The following CCDC171 variants were observed in gnomAD, a reference collection of about 807,000 sequenced individuals.
CCDC171 encodes coiled-coil domain-containing protein 171.
In CCDC171, 177 loss-of-function variants were observed where a neutral mutation model predicts 168.2. The observed-to-expected ratio is 1.05, with a 90% CI of 0.93 to 1.19. The LOEUF (loss-of-function observed/expected upper bound fraction) is 1.19. CCDC171 is among the 50% of genes most tolerant of loss of function. The pLI is 0.00. For synonymous variants in CCDC171, 687 were observed against 540.8 expected, an observed-to-expected ratio of 1.27 and a Z score of -3.75; for missense variants, 1,991 against 1,539.0, an observed-to-expected ratio of 1.29 and a Z score of -4.91.
rs181551888 is a variant in CCDC171, at chr9:15,650,412, A to T, written c.823-6715A>T. ...TTAAAGTATAATAAAAAAAAGAAAA[A>T]AAATAAATTATAGCCATGTAGTGGG... On this transcript the variant is annotated intron_variant, in intron 7 of 25. Transcript: ENST00000380701. Among the ~76,000 whole-genome samples, 126 of 152,246 alleles carry T rather than the reference A, an allele frequency of 8.3e-4. 1 individual carries two copies. Among genetic ancestry groups the T allele is most frequent in the Non-Finnish European group, 1.3e-3 (88 of 68,008 alleles).
At chr9:15,558,419 T>G (rs1050695233) in intron 1 of CCDC171, among the ~76,000 whole-genome samples, 4 of 152,182 alleles carry the variant, frequency 2.6e-5, no homozygotes, top group African/African-American at 7.2e-5. Context: ...GAACCTGTTA[T>G]TGGTCTTTTC....
chr9:15,754,076 G>T (rs1432734657), intron 18 of CCDC171, among the ~76,000 whole-genome samples: 1 of 152,088 alleles, frequency 6.6e-6, no homozygotes, highest in African/African-American at 2.4e-5. Context: ...GAAAGGATGG[G>T]AACATATTTT....
chr9:15,900,936 G>A (rs896772341), intron 24 of CCDC171, among the ~76,000 whole-genome samples: 1 of 152,180 alleles, frequency 6.6e-6, no homozygotes, highest in Non-Finnish European at 1.5e-5. Flanking sequence ...TACATCTACA[G>A]TTAGTCACCT....
rs2059617187 is a variant in CCDC171, at chr9:15,817,817, G to T, written c.3268-28885G>T. ...AGCAATAACCTCTGCAGACTTAAAT[G>T]TCCCTGTCTGACAGCTTTGAAGAGA... On this transcript the variant is annotated intron_variant, in intron 21 of 25. Transcript: ENST00000380701. Among the ~76,000 whole-genome samples, 2 of 118,282 alleles carry T rather than the reference G, an allele frequency of 1.7e-5. 1 individual carries two copies. The allele number at this position is 118,282 out of a possible 152,430, so 77.6% of individuals were successfully genotyped here. A position where few individuals can be genotyped will look rare whatever the true frequency, so the allele number is the denominator to read the frequency against.
rs565156010 is a variant in CCDC171, at chr9:15,691,603, G to C, written c.1216-3632G>C. 3.9e-4 allele frequency among the ~76,000 whole-genome samples: 53 copies of C among 136,990 alleles called. 1 individual carries two copies. The highest frequency in any genetic ancestry group is 8.0e-4 in the Non-Finnish European group (52 of 65,056). 89.9% of individuals were successfully genotyped at this position (136,990 alleles called of 152,430 possible). Reference sequence around the variant, plus strand: ...ATAAACTTGGTGCTTTATAAATACTGTGTTTTTTAAGGTAGACTTTGATTG... The same window carrying C: ...ATAAACTTGGTGCTTTATAAATACTCTGTTTTTTAAGGTAGACTTTGATTG... On this transcript the variant is annotated intron_variant, in intron 10 of 25. Coordinates refer to ENST00000380701, the MANE Select transcript of CCDC171 (RefSeq NM_173550.4).
chr9:15,934,713 A>G (rs1826915989), intron 25 of CCDC171, among the ~76,000 whole-genome samples: 1 of 152,084 alleles, frequency 6.6e-6, no homozygotes, highest in Admixed American at 6.6e-5. Flanking sequence ...ACAAATGTCT[A>G]TAGCAGCACT....
At chr9:15,713,507 C>T (rs1234421005) in intron 11 of CCDC171, among the ~76,000 whole-genome samples, 1 of 152,030 alleles carries the variant, frequency 6.6e-6, no homozygotes, top group Non-Finnish European at 1.5e-5. Flanking sequence ...CTTGTGTATG[C>T]CAAAATTTAT....
At chr9:16,105,656 G>T in the CCDC171 span, among the ~76,000 whole-genome samples, 1 of 152,168 alleles carries the variant, frequency 6.6e-6, no homozygotes, top group Non-Finnish European at 1.5e-5. Context: ...ATTCTGTAAA[G>T]GAAAAGCAAT....
intron 25 of CCDC171, 69 bp downstream of exon 25, chr9:15,920,491 A>T: frequency 8.7e-7 from 1 of 1,142,954 alleles, no homozygotes; most frequent in Non-Finnish European, 1.2e-6. Context: ...TTATGTTTTT[A>T]ATGTTCATAA....
chr9:15,690,297 T>A (rs1361219900), intron 10 of CCDC171, among the ~76,000 whole-genome samples: 1 of 152,112 alleles, frequency 6.6e-6, no homozygotes, highest in Non-Finnish European at 1.5e-5. Flanking sequence ...TTAAAAAAAA[T>A]ATAAAGTTAC....
chr9:15,909,920 C>G (rs557151932), intron 24 of CCDC171, among the ~76,000 whole-genome samples: 1 of 151,954 alleles, frequency 6.6e-6, no homozygotes, highest in African/African-American at 2.4e-5. Context: ...TTTAGTATAT[C>G]CATTATGTGA....
chr9:16,077,044 C>T, the CCDC171 span, among the ~76,000 whole-genome samples: 2 of 152,172 alleles, frequency 1.3e-5, no homozygotes, highest in Admixed American at 6.5e-5. Flanking sequence ...ATGCAACAGG[C>T]AGGCAACCGA....
chr9:15,703,702 C>G (rs766634576), intron 11 of CCDC171, among the ~76,000 whole-genome samples: 2 of 152,210 alleles, frequency 1.3e-5, no homozygotes, highest in Non-Finnish European at 2.9e-5. Flanking sequence ...GTGAATAGCA[C>G]TGCAGTTAAC....
At chr9:16,101,828 G>C in the CCDC171 span, among the ~76,000 whole-genome samples, 3 of 152,168 alleles carry the variant, frequency 2.0e-5, no homozygotes, top group Non-Finnish European at 4.4e-5. Context: ...AATGAACTGG[G>C]TTCTGCCAAC....
chr9:15,993,139 C>T (rs1428598243), intron 3 of CCDC171, among the ~76,000 whole-genome samples: 1 of 151,858 alleles, frequency 6.6e-6, no homozygotes, highest in Non-Finnish European at 1.5e-5. Flanking sequence ...ATTGCCAAAT[C>T]AATCCTAAGC....
intron 21 of CCDC171, among the ~76,000 whole-genome samples, chr9:15,839,576 C>G (rs2060587665): frequency 6.6e-6 from 1 of 152,052 alleles, no homozygotes; most frequent in Non-Finnish European, 1.5e-5. Flanking sequence ...ATCAAATGAA[C>G]TAATGTAATT....
At chr9:15,884,050 G>C (rs978118518) in intron 24 of CCDC171, among the ~76,000 whole-genome samples, 3 of 152,088 alleles carry the variant, frequency 2.0e-5, no homozygotes, top group Non-Finnish European at 4.4e-5. Context: ...TTTTCTTTTT[G>C]TGTGTATGTG....
rs1270003269 is a variant in CCDC171 at position 15,973,386 on chromosome 9, G to T, written c.*1550G>T. ...TGCTGAGAATTTTTTTATTGGCCTTGGTAAATAAGATTTTATACTAACTAT... is the reference window on the plus strand; with the variant it reads ...TGCTGAGAATTTTTTTATTGGCCTTTGTAAATAAGATTTTATACTAACTAT... On this transcript the variant is annotated 3_prime_UTR_variant, in exon 26 of 26. Coordinates refer to ENST00000380701, the MANE Select transcript of CCDC171 (RefSeq NM_173550.4). 1.3e-5 allele frequency: 2 copies of T among 151,840 alleles called. No individual in the cohort carries two copies. The highest frequency in any genetic ancestry group is 2.9e-5 in the Non-Finnish European group (2 of 67,954). The allele number at this position is 151,840 out of a possible 1,614,324, so 9.4% of individuals were successfully genotyped here.
the CCDC171 span, among the ~76,000 whole-genome samples, chr9:16,105,486 C>G: frequency 1.3e-5 from 2 of 152,096 alleles, no homozygotes; most frequent in Non-Finnish European, 2.9e-5. Context: ...GCACTGGTCA[C>G]AAATTCAAAG....
Sources: gnomAD v4.1 joint callset for allele counts (sites outside exome capture counted in the v4.1 genomes callset) on GRCh38, gnomAD v4.1.1 for gene constraint, MANE v1.5 for transcripts, NCBI Gene and HGNC (gene_info 2026-07-23, HGNC 2026-07-21) for gene names.